NEGR1: variants seen among roughly 807,000 people sequenced by gnomAD.
The protein encoded by NEGR1 is IgLON family member 4.
A neutral mutation model predicts 40.9 loss-of-function variants in NEGR1; 10 were observed. That is an observed-to-expected ratio of 0.24 (90% CI 0.15 to 0.42). The LOEUF (loss-of-function observed/expected upper bound fraction) is 0.42. NEGR1 is among the 10% of genes least tolerant of loss of function. The pLI is 1.00. For missense variants in NEGR1, 352 were observed against 438.9 expected (o/e 0.80, Z 1.77); for synonymous variants, 185 against 166.8 (o/e 1.11, Z -0.84).
intron 1 of NEGR1, among the ~76,000 whole-genome samples, chr1:72,182,867 G>A (rs1211629425): frequency 6.7e-6 from 1 of 150,240 alleles, no homozygotes; most frequent in Non-Finnish European, 1.5e-5. Flanking sequence ...CATCCCACAG[G>A]TTTGCTTTTT....
chr1:72,086,389 A>G (rs1414855114), intron 1 of NEGR1, among the ~76,000 whole-genome samples: 1 of 152,206 alleles, frequency 6.6e-6, no homozygotes, highest in East Asian at 1.9e-4. Context: ...TTTGTTTCTT[A>G]GAGATTTCTG....
intron 6 of NEGR1, among the ~76,000 whole-genome samples, chr1:71,588,049 A>G (rs891358455): frequency 6.6e-6 from 1 of 152,128 alleles, no homozygotes; most frequent in African/African-American, 2.4e-5. Flanking sequence ...GAAGTGAGAA[A>G]CAAAGCGTGT....
At chr1:71,894,369 T>G (rs571487532) in intron 2 of NEGR1, among the ~76,000 whole-genome samples, 1 of 152,226 alleles carries the variant, frequency 6.6e-6, no homozygotes, top group East Asian at 1.9e-4. Context: ...GAAACAGGAA[T>G]AGGGGCTCTT....
At chr1:72,122,323 T>A (rs1649833572) in intron 1 of NEGR1, among the ~76,000 whole-genome samples, 1 of 151,960 alleles carries the variant, frequency 6.6e-6, no homozygotes, top group African/African-American at 2.4e-5. Flanking sequence ...GGAAGCTTCA[T>A]CGAGTGTTAA....
chr1:72,081,716 T>A (rs188003299), intron 1 of NEGR1, among the ~76,000 whole-genome samples: 38 of 152,156 alleles, frequency 2.5e-4, no homozygotes, highest in African/African-American at 8.9e-4. Context: ...CCTAGAAGTT[T>A]TTGTGCTTTG....
chr1:71,815,466 A>G (rs949116741), intron 2 of NEGR1, among the ~76,000 whole-genome samples: 9 of 151,838 alleles, frequency 5.9e-5, no homozygotes, highest in African/African-American at 1.7e-4. Context: ...ATCCTTGTTA[A>G]TTTTCTGTCT....
At chr1:71,739,228 A>G (rs201219565) in intron 3 of NEGR1, among the ~76,000 whole-genome samples, 1 of 150,252 alleles carries the variant, frequency 6.7e-6, no homozygotes, top group Non-Finnish European at 1.5e-5. Flanking sequence ...CAAAAAAAAA[A>G]AACGTGAAAA....
chr1:71,638,911 A>C (rs1408306599), intron 4 of NEGR1, among the ~76,000 whole-genome samples: 1 of 151,956 alleles, frequency 6.6e-6, no homozygotes, highest in East Asian at 1.9e-4. Flanking sequence ...CTTAGTACTG[A>C]GAGAAAAATA....
rs147336689 is a variant in NEGR1, at chr1:71,438,051, G to C, written c.941-30481C>G. On this transcript the variant is annotated intron_variant, in intron 6 of 6. Coordinates refer to ENST00000357731, the MANE Select transcript of NEGR1 (RefSeq NM_173808.3). ...TCTATTTCTATTAGCTACAGCTGCT[G>C]ATCTATGGTTTAAACCAGTTACCTG... 1.7e-4 allele frequency among the ~76,000 whole-genome samples: 26 copies of C among 152,322 alleles called. No individual in the cohort carries two copies. In the East Asian group the frequency reaches 5.0e-3, roughly 29 times the overall value.
At chr1:71,792,693 T>G (rs1179575704) in intron 2 of NEGR1, among the ~76,000 whole-genome samples, 2 of 152,134 alleles carry the variant, frequency 1.3e-5, no homozygotes, top group Non-Finnish European at 2.9e-5. Flanking sequence ...GATAGGGAGT[T>G]GGCAATACTG....
intron 6 of NEGR1, among the ~76,000 whole-genome samples, chr1:71,501,048 TCA>T (rs753794174): frequency 4.6e-5 from 7 of 152,078 alleles, no homozygotes; most frequent in Admixed American, 6.6e-5. Flanking sequence ...TTTAAAATTG[TCA>T]CAGATTTTGT....
At chr1:72,125,125 T>C (rs1366363332) in intron 1 of NEGR1, among the ~76,000 whole-genome samples, 2 of 152,080 alleles carry the variant, frequency 1.3e-5, no homozygotes, top group Non-Finnish European at 2.9e-5. Flanking sequence ...TTATTAAAAA[T>C]TTTATGAAAA....
intron 1 of NEGR1, among the ~76,000 whole-genome samples, chr1:72,063,608 A>G (rs1235476491): frequency 6.6e-6 from 1 of 151,932 alleles, no homozygotes; most frequent in Non-Finnish European, 1.5e-5. Context: ...CACTTGTTCT[A>G]AAGTCACTTT....
In NEGR1 at chr1:71,447,444, T is replaced by C. The variant is rs537577125; in HGVS notation, c.941-39874A>G. The stretch of plus-strand genomic sequence containing the variant: ...ATAATTCAAGCCTCTTAGTCCCATA[T>C]GATGCTATGAAGAATATGGTTGCTG... On this transcript the variant is annotated intron_variant, in intron 6 of 6. Coordinates refer to ENST00000357731, the MANE Select transcript of NEGR1 (RefSeq NM_173808.3). Among the ~76,000 whole-genome samples, 108 of 152,338 alleles carry C rather than the reference T, an allele frequency of 7.1e-4. 1 individual carries two copies. Among genetic ancestry groups the C allele is most frequent in the African/African-American group, 2.5e-3 (105 of 41,596 alleles).
At chr1:71,412,272 T>G (rs1216914333) in intron 6 of NEGR1, among the ~76,000 whole-genome samples, 1 of 152,272 alleles carries the variant, frequency 6.6e-6, no homozygotes, top group Admixed American at 6.5e-5. Context: ...TGCAACCTCC[T>G]TAAGCCTAGA....
intron 2 of NEGR1, among the ~76,000 whole-genome samples, chr1:71,782,575 T>C (rs1325044272): frequency 6.6e-6 from 1 of 152,142 alleles, no homozygotes; most frequent in Non-Finnish European, 1.5e-5. Context: ...GGAAGTTGTG[T>C]GCTTTATTCA....
chr1:72,025,106 T>A (rs1481767357), intron 1 of NEGR1, among the ~76,000 whole-genome samples: 2 of 152,180 alleles, frequency 1.3e-5, no homozygotes, highest in Non-Finnish European at 2.9e-5. Flanking sequence ...TCTATTAAAC[T>A]TTTAAGGAAT....
chr1:72,100,720 T>C (rs1440598583), intron 1 of NEGR1: 1 of 152,194 alleles, frequency 6.6e-6, no homozygotes. Flanking sequence ...AGTTAAATCT[T>C]ATCAATTATG....
chr1:71,407,701 C>A, intron 6 of NEGR1, 131 bp from the exon 7 acceptor site: 1 of 767,368 alleles, frequency 1.3e-6, no homozygotes, highest in South Asian at 1.9e-5. Flanking sequence ...AAGTTCATAT[C>A]TGATTCTGCT....
Sources: allele counts gnomAD v4.1 joint callset (sites outside exome capture counted in the v4.1 genomes callset), GRCh38; gene constraint gnomAD v4.1.1; transcripts MANE v1.5; gene names NCBI Gene and HGNC (gene_info 2026-07-23, HGNC 2026-07-21).